ITFG1: variants seen among roughly 807,000 people sequenced by gnomAD.
ITFG1 encodes the protein T-cell immunomodulatory protein.
Under a neutral mutation model 81.8 loss-of-function variants are expected in ITFG1, and 34 were observed. The ratio of observed to expected loss-of-function variants is 0.42; its 90% CI spans 0.32 to 0.55. The LOEUF (loss-of-function observed/expected upper bound fraction) is 0.55. Among genes scored for constraint, ITFG1 ranks in the 20% least tolerant of loss-of-function variants. The probability of loss-of-function intolerance (pLI) is 0.17; values close to 1 mark genes in which losing one functional copy is unlikely to be tolerated. For synonymous variants in ITFG1, 285 were observed against 270.6 expected, an observed-to-expected ratio of 1.05 and a Z score of -0.52; for missense variants, 672 against 755.4, an observed-to-expected ratio of 0.89 and a Z score of 1.29.
rs145903411 is a variant in ITFG1, at chr16:47,345,569, A to T, written c.802+20219T>A. ...CCACCTTGGCCTCCAAAAGTGCTGG[A>T]ATTACAGGCATCAGCCACTGTGCCC... is the stretch of plus-strand genomic sequence containing the variant. On this transcript the variant is annotated intron_variant, in intron 8 of 17. Coordinates refer to ENST00000320640, the MANE Select transcript of ITFG1 (RefSeq NM_030790.5). Among the ~76,000 whole-genome samples the T allele has an allele frequency of 3.9e-5, 6 of 152,226 alleles. No individual in the cohort carries two copies. The East Asian group carries it at 9.7e-4, about 25-fold the overall frequency.
At chr16:47,181,883 C>A (rs1965129195) in intron 14 of ITFG1, among the ~76,000 whole-genome samples, 3 of 151,980 alleles carry the variant, frequency 2.0e-5, no homozygotes, top group African/African-American at 7.3e-5. Context: ...ATGACCTTAC[C>A]CCCAACCCTG....
chr16:47,319,366 G>A (rs992982428), intron 8 of ITFG1, among the ~76,000 whole-genome samples: 15 of 152,078 alleles, frequency 9.9e-5, no homozygotes, highest in African/African-American at 3.4e-4. Flanking sequence ...AGCTCACTTC[G>A]TTCATTTTAG....
intron 14 of ITFG1, among the ~76,000 whole-genome samples, chr16:47,179,260 A>G (rs1265045868): frequency 6.6e-6 from 1 of 152,254 alleles, no homozygotes; most frequent in Admixed American, 6.5e-5. Flanking sequence ...TCATGCTGCT[A>G]TAAAGACACA....
chr16:47,312,315 C>CA (rs1223027421), intron 9 of ITFG1: 2 of 152,114 alleles, frequency 1.3e-5, no homozygotes, highest in African/African-American at 2.4e-5. Context: ...CCAAACATAC[C>CA]TAGAGATTCC....
At chr16:47,275,381 C>T (rs1258263751) in intron 10 of ITFG1, among the ~76,000 whole-genome samples, 4 of 151,880 alleles carry the variant, frequency 2.6e-5, no homozygotes, top group Non-Finnish European at 4.4e-5. Context: ...AGTAAATACA[C>T]AATAATAGGT....
rs1370516054 is a variant in ITFG1 at position 47,154,526 on chromosome 16, G to A, written c.*1193C>T. ...TTCAGAGAAATTTTTGTGTTTTATA[G>A]GCATCACATGTCCATTTGCATACTA... On this transcript the variant is annotated 3_prime_UTR_variant, in exon 18 of 18. Transcript: ENST00000320640. 6.6e-6 allele frequency: 1 copy of A among 152,010 alleles called. No homozygotes were observed. The highest frequency in any genetic ancestry group is 1.5e-5 in the Non-Finnish European group (1 of 68,026). 9.4% of individuals were successfully genotyped at this position (152,010 alleles called of 1,614,324 possible). A position where few individuals can be genotyped will look rare whatever the true frequency, so the allele number is the denominator to read the frequency against.
chr16:47,347,322 T>C lies in ITFG1; in HGVS notation c.802+18466A>G, dbSNP rs542804329. On this transcript the variant is annotated intron_variant, in intron 8 of 17. Coordinates refer to ENST00000320640, the MANE Select transcript of ITFG1 (RefSeq NM_030790.5). The stretch of plus-strand genomic sequence containing the variant: ...AAGCAAAGCTGTGACAGATGGCACC[T>C]GGAAAATCGGGTCACTCCCACCCTA... 2.8e-4 allele frequency among the ~76,000 whole-genome samples: 43 copies of C among 152,348 alleles called. 1 individual carries two copies. The East Asian group carries it at 8.3e-3, about 29-fold the overall frequency.
In ITFG1 at chr16:47,273,682, T is replaced by C. The variant is rs1177041976; in HGVS notation, c.1071-12987A>G. Among the ~76,000 whole-genome samples the C allele has an allele frequency of 2.0e-5, 3 of 152,216 alleles. No individual in the cohort carries two copies. In the East Asian group the frequency reaches 5.8e-4, roughly 29 times the overall value. On this transcript the variant is annotated intron_variant, in intron 10 of 17. Coordinates refer to ENST00000320640, the MANE Select transcript of ITFG1 (RefSeq NM_030790.5). ...GAGGCCAACTGAAAGGGAAACCTAA[T>C]GGAATATAACACTGTGACTGCTGAA...
rs182570873 is a variant in ITFG1, at chr16:47,384,576, G to C, written c.656-8636C>G. Reference sequence around the variant, plus strand: ...ATATTTTTCCTGAATCTAGAGCACTGTAGTGATAAAATGCCTGAAGTAATA... The same window carrying C: ...ATATTTTTCCTGAATCTAGAGCACTCTAGTGATAAAATGCCTGAAGTAATA... On this transcript the variant is annotated intron_variant, in intron 6 of 17. Coordinates refer to ENST00000320640, the MANE Select transcript of ITFG1 (RefSeq NM_030790.5). Among the ~76,000 whole-genome samples the C allele has an allele frequency of 3.1e-3, 465 of 152,298 alleles. 1 individual carries two copies. Among genetic ancestry groups the C allele is most frequent in the African/African-American group, 0.011 (454 of 41,558 alleles).
intron 6 of ITFG1, among the ~76,000 whole-genome samples, chr16:47,387,733 G>T (rs1241514129): frequency 6.6e-6 from 1 of 152,116 alleles, no homozygotes; most frequent in Non-Finnish European, 1.5e-5. Flanking sequence ...TCGGAGGGAA[G>T]ACTGTGCATA....
chr16:47,298,067 A>T (rs2151558180), intron 10 of ITFG1, among the ~76,000 whole-genome samples: 1 of 152,278 alleles, frequency 6.6e-6, no homozygotes, highest in South Asian at 2.1e-4. Flanking sequence ...TGTTTCAAGC[A>T]GTGAGATTCT....
At chr16:47,266,183 T>TCA (rs1966272837) in intron 10 of ITFG1, among the ~76,000 whole-genome samples, 2 of 152,118 alleles carry the variant, frequency 1.3e-5, no homozygotes, top group South Asian at 4.2e-4. Flanking sequence ...AGACAACACT[T>TCA]CACATCCAGT....
intron 14 of ITFG1, among the ~76,000 whole-genome samples, chr16:47,213,684 C>T (rs952212277): frequency 2.6e-5 from 4 of 152,144 alleles, no homozygotes; most frequent in African/African-American, 9.7e-5. Context: ...CACAATGACG[C>T]TTCTATAAAT....
intron 10 of ITFG1, among the ~76,000 whole-genome samples, chr16:47,287,282 C>T (rs540913820): frequency 6.6e-6 from 1 of 152,104 alleles, no homozygotes; most frequent in South Asian, 2.1e-4. Flanking sequence ...GGATCTTGCT[C>T]TATTGCCCGG....
At chr16:47,207,246 T>G (rs1334250756) in intron 14 of ITFG1, among the ~76,000 whole-genome samples, 1 of 152,046 alleles carries the variant, frequency 6.6e-6, no homozygotes, top group Non-Finnish European at 1.5e-5. Context: ...CCATGCCCAT[T>G]TAATTTTTTT....
intron 8 of ITFG1, among the ~76,000 whole-genome samples, chr16:47,357,966 G>A (rs1244999715): frequency 6.6e-6 from 1 of 152,128 alleles, no homozygotes; most frequent in Non-Finnish European, 1.5e-5. Context: ...CAAGATAGAT[G>A]CCTCAGAGAA....
intron 14 of ITFG1, among the ~76,000 whole-genome samples, chr16:47,200,034 G>A (rs1281466477): frequency 2.6e-5 from 4 of 151,706 alleles, no homozygotes; most frequent in African/African-American, 9.7e-5. Context: ...AAATACAGAT[G>A]AAGCTTTGCT....
At chr16:47,307,847 C>G (rs1278250180) in intron 10 of ITFG1, among the ~76,000 whole-genome samples, 1 of 152,110 alleles carries the variant, frequency 6.6e-6, no homozygotes, top group East Asian at 1.9e-4. Context: ...ATTTTTATGT[C>G]CATGAGTATG....
intron 8 of ITFG1, among the ~76,000 whole-genome samples, chr16:47,338,797 A>G (rs972704455): frequency 2.0e-5 from 3 of 152,068 alleles, no homozygotes; most frequent in African/African-American, 7.2e-5. Context: ...TACCTCAAGC[A>G]TTTGTCCTTT....
Sources: allele counts gnomAD v4.1 joint callset (sites outside exome capture counted in the v4.1 genomes callset), GRCh38; gene constraint gnomAD v4.1.1; transcripts MANE v1.5; gene names NCBI Gene and HGNC (gene_info 2026-07-23, HGNC 2026-07-21).